The following TRPM3 variants were observed in gnomAD, a reference collection of about 807,000 sequenced individuals.
TRPM3 encodes the protein long transient receptor potential channel 3.
TRPM3 carries 77 observed loss-of-function variants against 181.2 expected under a neutral mutation model. The observed-to-expected ratio is 0.42, with a 90% CI of 0.35 to 0.51. The LOEUF (loss-of-function observed/expected upper bound fraction) is 0.51, where lower values mean the gene tolerates loss of function less well. TRPM3 is among the 20% of genes least tolerant of loss of function. The pLI, the probability that TRPM3 is intolerant of heterozygous loss-of-function variation, is 0.01. For synonymous variants in TRPM3, 745 were observed against 796.4 expected, an observed-to-expected ratio of 0.94 and a Z score of 1.09; for missense variants, 1,759 against 2,196.7, an observed-to-expected ratio of 0.80 and a Z score of 3.98.
intron 1 of TRPM3, among the ~76,000 whole-genome samples, chr9:71,182,134 CTTT>C (rs1047035518): frequency 6.6e-6 from 1 of 152,072 alleles, no homozygotes; most frequent in African/African-American, 2.4e-5. Flanking sequence ...TACAAAAGCA[CTTT>C]ATGTGCTAAA....
At chr9:70,851,480 C>T (rs1323151755) in intron 3 of TRPM3, among the ~76,000 whole-genome samples, 1 of 152,126 alleles carries the variant, frequency 6.6e-6, no homozygotes, top group Non-Finnish European at 1.5e-5. Flanking sequence ...AGATAATTTA[C>T]TTTAGGACTT....
chr9:71,223,449 T>C (rs946574513), intron 1 of TRPM3, among the ~76,000 whole-genome samples: 1 of 152,190 alleles, frequency 6.6e-6, no homozygotes, highest in Non-Finnish European at 1.5e-5. Context: ...CTGAGATGTG[T>C]TGGCTTTAGG....
chr9:70,828,440 T>C (rs909789991), intron 5 of TRPM3, among the ~76,000 whole-genome samples: 31 of 152,178 alleles, frequency 2.0e-4, no homozygotes, highest in African/African-American at 7.5e-4. Flanking sequence ...ATTCTGGAGA[T>C]GGTGGCGGGG....
At chr9:71,133,990 T>A (rs1040225937) in intron 1 of TRPM3, among the ~76,000 whole-genome samples, 1 of 141,914 alleles carries the variant, frequency 7.0e-6, no homozygotes, top group Non-Finnish European at 1.5e-5. Context: ...TGTGTGTGTG[T>A]GTGTGTGTGT....
At chr9:70,922,208 T>C (rs1008231974) in intron 1 of TRPM3, among the ~76,000 whole-genome samples, 1 of 152,136 alleles carries the variant, frequency 6.6e-6, no homozygotes, top group African/African-American at 2.4e-5. Flanking sequence ...ACGTAGGCAT[T>C]TTCCACTTTT....
rs2070508762 is a variant in TRPM3 at position 71,109,373 on chromosome 9, C to T, written c.177+11805G>A. 2.6e-5 allele frequency among the ~76,000 whole-genome samples: 4 copies of T among 151,656 alleles called. No individual in the cohort carries two copies. The South Asian group carries it at 8.3e-4, about 32-fold the overall frequency. On this transcript the variant is annotated intron_variant, in intron 1 of 25. Transcript: ENST00000677713. ...AGTGAAAGCAGTTGCACATAGATAACATGCATCCCCTGAGTCTAGTTTATT... is the reference window on the plus strand; with the variant it reads ...AGTGAAAGCAGTTGCACATAGATAATATGCATCCCCTGAGTCTAGTTTATT...
In TRPM3 at chr9:70,672,168, A is replaced by G. The variant is rs117101726; in HGVS notation, c.1345+9338T>C. Among the ~76,000 whole-genome samples the G allele has an allele frequency of 6.6e-5, 10 of 152,214 alleles. No individual in the cohort carries two copies. The East Asian group carries it at 1.9e-3, about 29-fold the overall frequency. On this transcript the variant is annotated intron_variant, in intron 9 of 25. Coordinates refer to ENST00000677713, the MANE Select transcript of TRPM3 (RefSeq NM_001366145.2). ...GGGAACCAAAAACCCTGACATGAAT[A>G]CAGCTAACCCCATCTCTCATTCCAC...
At chr9:70,995,440 C>A (rs538795674) in intron 1 of TRPM3, among the ~76,000 whole-genome samples, 9 of 152,264 alleles carry the variant, frequency 5.9e-5, no homozygotes, top group African/African-American at 2.2e-4. Flanking sequence ...AAAATTCTCA[C>A]CATTTTGATT....
intron 1 of TRPM3, among the ~76,000 whole-genome samples, chr9:70,970,418 C>T (rs1006226680): frequency 2.2e-4 from 33 of 152,186 alleles, no homozygotes; most frequent in Non-Finnish European, 4.0e-4. Context: ...GGTTGTCAGT[C>T]ACTCCTTCTG....
At chr9:71,150,322 A>G (rs1227533016) in intron 1 of TRPM3, among the ~76,000 whole-genome samples, 1 of 152,164 alleles carries the variant, frequency 6.6e-6, no homozygotes, top group African/African-American at 2.4e-5. Flanking sequence ...AAAATCTGTA[A>G]GAAATTTATT....
chr9:70,680,923 T>C (rs998206958), intron 9 of TRPM3, among the ~76,000 whole-genome samples: 1 of 152,174 alleles, frequency 6.6e-6, no homozygotes, highest in Non-Finnish European at 1.5e-5. Context: ...GACTAGAGAA[T>C]AGGACAAATA....
At chr9:71,219,411 T>C (rs113546128) in intron 1 of TRPM3, among the ~76,000 whole-genome samples, 211 of 152,272 alleles carry the variant, frequency 1.4e-3, no homozygotes, top group African/African-American at 4.9e-3. Context: ...TCTAAACCTG[T>C]ATCTCAAGTT....
chr9:71,246,652 G>A (rs902003362), intron 1 of TRPM3, among the ~76,000 whole-genome samples: 11 of 152,138 alleles, frequency 7.2e-5, no homozygotes, highest in African/African-American at 1.9e-4. Context: ...ACTGGCATTC[G>A]CATACAATTT....
chr9:71,248,754 A>G (rs2082176517), intron 1 of TRPM3, among the ~76,000 whole-genome samples: 1 of 152,158 alleles, frequency 6.6e-6, no homozygotes, highest in South Asian at 2.1e-4. Flanking sequence ...ACGTCCAACT[A>G]TTGTTACACA....
chr9:71,216,846 C>A (rs1360410322), intron 1 of TRPM3, among the ~76,000 whole-genome samples: 1 of 150,926 alleles, frequency 6.6e-6, no homozygotes, highest in Non-Finnish European at 1.5e-5. Flanking sequence ...AATACTTTCA[C>A]ATTACCACCC....
intron 1 of TRPM3, among the ~76,000 whole-genome samples, chr9:71,036,613 T>C (rs1056738599): frequency 1.3e-5 from 2 of 152,228 alleles, no homozygotes; most frequent in South Asian, 4.1e-4. Context: ...GGGGAACCCA[T>C]TGTATTTGTT....
chr9:70,556,143 T>C (rs931842876), intron 22 of TRPM3, among the ~76,000 whole-genome samples: 2 of 152,110 alleles, frequency 1.3e-5, no homozygotes, highest in African/African-American at 4.8e-5. Flanking sequence ...TTTCAGAAAG[T>C]GCCATCAACA....
At chr9:70,598,069 C>A (rs1346268163) in intron 21 of TRPM3, among the ~76,000 whole-genome samples, 2 of 152,178 alleles carry the variant, frequency 1.3e-5, no homozygotes, top group African/African-American at 4.8e-5. Context: ...TCTATTACAG[C>A]ATTTTTCACA....
At chr9:70,747,845 C>T (rs2075450445) in intron 8 of TRPM3, among the ~76,000 whole-genome samples, 1 of 151,816 alleles carries the variant, frequency 6.6e-6, no homozygotes, top group Admixed American at 6.6e-5. Context: ...TAGCAATAGT[C>T]TAGGCAAGGA....
Sources: allele counts gnomAD v4.1 joint callset (sites outside exome capture counted in the v4.1 genomes callset), GRCh38; gene constraint gnomAD v4.1.1; transcripts MANE v1.5; gene names NCBI Gene and HGNC (gene_info 2026-07-23, HGNC 2026-07-21).